The following ERC2 variants were observed in gnomAD, a reference collection of about 807,000 sequenced individuals.
ERC2 encodes the protein ERC protein 2.
Under a neutral mutation model 114.8 loss-of-function variants are expected in ERC2, and 42 were observed. The ratio of observed to expected loss-of-function variants is 0.37; its 90% confidence interval spans 0.29 to 0.47. The LOEUF (loss-of-function observed/expected upper bound fraction) is 0.47. Ranked by LOEUF, ERC2 falls within the 20% of genes least tolerant of loss-of-function variation. The pLI, the probability that ERC2 is intolerant of heterozygous loss-of-function variation, is 0.99. For missense variants in ERC2, 939 were observed against 1,150.7 expected, an observed-to-expected ratio of 0.82 and a Z score of 2.66; for synonymous variants, 454 against 425.5, an observed-to-expected ratio of 1.07 and a Z score of -0.82.
At chr3:56,282,510 C>T (rs977319493) in intron 3 of ERC2, among the ~76,000 whole-genome samples, 4 of 152,160 alleles carry the variant, frequency 2.6e-5, no homozygotes, top group Admixed American at 2.6e-4. Flanking sequence ...TGCTGGTTCT[C>T]ATTTCTGAGG....
At chr3:56,118,531 C>T (rs908804948) in intron 6 of ERC2, among the ~76,000 whole-genome samples, 1 of 152,054 alleles carries the variant, frequency 6.6e-6, no homozygotes, top group African/African-American at 2.4e-5. Flanking sequence ...GTGCCAGGCA[C>T]CAAGCTAGGT....
intron 6 of ERC2, among the ~76,000 whole-genome samples, chr3:56,093,683 C>T (rs2077909275): frequency 6.6e-6 from 1 of 151,968 alleles, no homozygotes; most frequent in South Asian, 2.1e-4. Flanking sequence ...TCATTTAGTA[C>T]ATAATCTTGA....
chr3:55,832,002 G>C (rs1233387186), intron 14 of ERC2, among the ~76,000 whole-genome samples: 1 of 152,240 alleles, frequency 6.6e-6, no homozygotes, highest in African/African-American at 2.4e-5. Flanking sequence ...TTCACTGATT[G>C]CTGGCACAGC....
At chr3:55,855,517 T>A (rs1009586534) in intron 14 of ERC2, among the ~76,000 whole-genome samples, 1 of 152,238 alleles carries the variant, frequency 6.6e-6, no homozygotes, top group Non-Finnish European at 1.5e-5. Context: ...CTACGTCTGC[T>A]TTCTTGCCAT....
At chr3:56,119,021 G>C (rs2079423470) in intron 6 of ERC2, among the ~76,000 whole-genome samples, 1 of 152,194 alleles carries the variant, frequency 6.6e-6, no homozygotes, top group African/African-American at 2.4e-5. Context: ...AGGATATCCA[G>C]TCTCTTTTGC....
At chr3:56,040,948 G>T (rs367853191) in intron 7 of ERC2, among the ~76,000 whole-genome samples, 1 of 151,522 alleles carries the variant, frequency 6.6e-6, no homozygotes, top group African/African-American at 2.4e-5. Flanking sequence ...CCACTCTACC[G>T]TTGAGTCCTT....
chr3:55,869,243 T>C (rs1473706181), intron 14 of ERC2, among the ~76,000 whole-genome samples: 1 of 152,146 alleles, frequency 6.6e-6, no homozygotes, highest in African/African-American at 2.4e-5. Flanking sequence ...AGGGGGTCTC[T>C]AGCCCTGCTT....
intron 14 of ERC2, among the ~76,000 whole-genome samples, chr3:55,748,672 C>T (rs973497294): frequency 3.3e-5 from 5 of 152,200 alleles, no homozygotes; most frequent in African/African-American, 1.2e-4. Context: ...TGTGGCATTT[C>T]CCTCTGCATG....
chr3:55,623,810 C>G (rs2059410045), intron 17 of ERC2, among the ~76,000 whole-genome samples: 1 of 152,212 alleles, frequency 6.6e-6, no homozygotes, highest in South Asian at 2.1e-4. Context: ...CTCCCCTGTC[C>G]AGGTGTGCTC....
intron 17 of ERC2, among the ~76,000 whole-genome samples, chr3:55,641,995 G>A (rs750361502): frequency 2.6e-5 from 4 of 152,204 alleles, no homozygotes; most frequent in Non-Finnish European, 4.4e-5. Context: ...TCATTTGCAT[G>A]GTGGAGACAT....
intron 6 of ERC2, among the ~76,000 whole-genome samples, chr3:56,099,639 G>A: frequency 6.6e-6 from 1 of 152,140 alleles, no homozygotes; most frequent in East Asian, 1.9e-4. Context: ...GACACCGAGG[G>A]GCCATGTGCG....
chr3:56,403,521 G>C (rs948842525), intron 2 of ERC2, among the ~76,000 whole-genome samples: 2 of 152,156 alleles, frequency 1.3e-5, no homozygotes, highest in African/African-American at 4.8e-5. Flanking sequence ...AGCTCCTCTG[G>C]AGCCTTGCCA....
At chr3:56,218,639 G>C (rs1303259543) in intron 3 of ERC2, among the ~76,000 whole-genome samples, 1 of 152,056 alleles carries the variant, frequency 6.6e-6, no homozygotes, top group Non-Finnish European at 1.5e-5. Context: ...CCCATTACTG[G>C]GTATATACCT....
intron 14 of ERC2, among the ~76,000 whole-genome samples, chr3:55,831,824 A>G (rs1346474120): frequency 6.6e-6 from 1 of 152,232 alleles, no homozygotes; most frequent in Admixed American, 6.5e-5. Context: ...CGGGAAGTGC[A>G]AGGGGCCAAG....
intron 2 of ERC2, among the ~76,000 whole-genome samples, chr3:56,415,070 T>A (rs945062637): frequency 6.6e-6 from 1 of 152,142 alleles, no homozygotes; most frequent in Non-Finnish European, 1.5e-5. Context: ...CATGAAGTCC[T>A]CCAGTTTTCA....
At chr3:55,736,668 G>C (rs946142895) in intron 14 of ERC2, among the ~76,000 whole-genome samples, 1 of 152,118 alleles carries the variant, frequency 6.6e-6, no homozygotes, top group South Asian at 2.1e-4. Flanking sequence ...TTAGTTCAAG[G>C]AAGAGGTAAG....
intron 2 of ERC2, among the ~76,000 whole-genome samples, chr3:56,344,259 A>G (rs936787030): frequency 6.6e-6 from 1 of 152,196 alleles, no homozygotes; most frequent in East Asian, 1.9e-4. Flanking sequence ...TAAGCTGGCT[A>G]CTTGAGCCCT....
chr3:55,802,145 T>C (rs895650617), intron 14 of ERC2, among the ~76,000 whole-genome samples: 1 of 152,228 alleles, frequency 6.6e-6, no homozygotes, highest in East Asian at 1.9e-4. Flanking sequence ...ACAGTGTATA[T>C]CTACAATTCA....
intron 13 of ERC2, among the ~76,000 whole-genome samples, chr3:55,912,240 C>A (rs1188729328): frequency 1.3e-5 from 2 of 152,164 alleles, no homozygotes; most frequent in African/African-American, 4.8e-5. Flanking sequence ...GAAGAGATAT[C>A]CCAGAGCTGG....
Sources: allele counts gnomAD v4.1 joint callset (sites outside exome capture counted in the v4.1 genomes callset), GRCh38; gene constraint gnomAD v4.1.1; transcripts MANE v1.5; gene names NCBI Gene and HGNC (gene_info 2026-07-23, HGNC 2026-07-21).